KCNH6: variants seen among roughly 807,000 people sequenced by gnomAD.
KCNH6 encodes the protein potassium voltage-gated channel subfamily H member 6.
In KCNH6, 81 loss-of-function variants were observed where a neutral mutation model predicts 83.4. The observed-to-expected ratio is 0.97, with a 90% CI of 0.81 to 1.17. The LOEUF is 1.17. Ranked by LOEUF, KCNH6 falls within the 50% of genes most tolerant of loss-of-function variation. KCNH6 has a pLI of 0.00. For synonymous variants in KCNH6, 503 were observed against 545.6 expected, an observed-to-expected ratio of 0.92 and a Z score of 1.09; for missense variants, 1,203 against 1,290.5, an observed-to-expected ratio of 0.93 and a Z score of 1.04.
rs1387455783 is a variant in KCNH6, at chr17:63,534,654, G to A, written c.1101+343G>A. Among the ~76,000 whole-genome samples, 3 of 152,002 alleles carry A rather than the reference G, an allele frequency of 2.0e-5. No individual in the cohort carries two copies. The highest frequency in any genetic ancestry group is 4.4e-5 in the Non-Finnish European group (3 of 67,960). The stretch of plus-strand genomic sequence containing the variant: ...CCTGGAGGAAGAAAGGGATCCCCAG[G>A]CCACTCCCCCAGTGCACCCTGGCTC... On this transcript the variant is annotated intron_variant, in intron 5 of 12. Transcript: ENST00000314672. The surrounding 1 kb of genome is among the most constrained non-coding windows in gnomAD (Gnocchi z 5.0).
rs1365961289 is a variant in KCNH6, at chr17:63,538,993, A to G, written c.1954+331A>G. 1.3e-5 allele frequency among the ~76,000 whole-genome samples: 2 copies of G among 152,002 alleles called. No individual in the cohort carries two copies. The highest frequency in any genetic ancestry group is 2.9e-5 in the Non-Finnish European group (2 of 67,992). On this transcript the variant is annotated intron_variant, in intron 8 of 12. Transcript: ENST00000314672. The surrounding 1 kb of genome is among the most constrained non-coding windows in gnomAD (Gnocchi z 4.0). ...TCTTGCACTCTTGGGGAGTTTAGGGAGAAAGGCCAAGGGTCTTTCTGGGTG... is the reference window on the plus strand; with the variant it reads ...TCTTGCACTCTTGGGGAGTTTAGGGGGAAAGGCCAAGGGTCTTTCTGGGTG...
chr17:63,533,852 C>A lies in KCNH6; in HGVS notation c.676-34C>A. The A allele has an allele frequency of 6.3e-7, 1 of 1,589,012 alleles. No homozygotes were observed. Among genetic ancestry groups the A allele is most frequent in the East Asian group, 2.2e-5 (1 of 44,730 alleles). The stretch of plus-strand genomic sequence containing the variant: ...GGCCAGTCTCACCAGCAGTGGCTGC[C>A]CCGTGCCTGACCTCCCTCGGCCCCC... On this transcript the variant is annotated intron_variant, in intron 4 of 12. Coordinates refer to ENST00000314672, the MANE Select transcript of KCNH6 (RefSeq NM_001278919.2). The surrounding 1 kb of genome is among the most constrained non-coding windows in gnomAD (Gnocchi z 4.1).
chr17:63,527,556 A>T (rs2031800675), intron 2 of KCNH6, among the ~76,000 whole-genome samples: 1 of 152,108 alleles, frequency 6.6e-6, no homozygotes, highest in Admixed American at 6.5e-5. Context: ...AAGGAATGGG[A>T]ATTCCCAGGG....
rs749312837 is a variant in KCNH6, at chr17:63,534,224, C to T, written c.1014C>T (p.Ala338=). 25 of 1,614,036 alleles carry T rather than the reference C, an allele frequency of 1.5e-5. No individual in the cohort carries two copies. The highest frequency in any genetic ancestry group is 1.6e-4 in the Middle Eastern group (1 of 6,084). The change falls in exon 5 of 13, where the codon GCC becomes GCT. Residue 338 remains alanine, a synonymous_variant. Transcript: ENST00000314672. This position sits in a 1 kb window ranked among gnomAD's most constrained non-coding sequence, Gnocchi z 5.0. ...TGGTCAGCCACCCCCGCCGCATCGC[C>T]GTCCACTACTTCAAGGGCTGGTTCC... ...DEVVSHPRRI[A]VHYFKGWFLI... is the part of the protein sequence containing the mutation.
chr17:63,530,502 T>C lies in KCNH6; in HGVS notation c.635T>C (p.Val212Ala), dbSNP rs764763772. The C allele has an allele frequency of 2.5e-6, 4 of 1,613,992 alleles. No homozygotes were observed. The South Asian group carries it at 3.3e-5, about 13-fold the overall frequency. ...ATTGAGATCATCGCGCCCCATAAGG[T>C]GGTGGAGCGGACACAGAACGTCACT... ...TEIEIIAPHK[V>A]VERTQNVTEK... is the part of the protein sequence containing the mutation. The change falls in exon 4 of 13, where the codon GTG (valine) becomes GCG (alanine). Residue 212 changes from valine to alanine, a missense_variant. Coordinates refer to ENST00000314672, the MANE Select transcript of KCNH6 (RefSeq NM_001278919.2).
chr17:63,539,512 C>T (rs1199102112), intron 8 of KCNH6, among the ~76,000 whole-genome samples: 3 of 152,200 alleles, frequency 2.0e-5, no homozygotes, highest in Non-Finnish European at 2.9e-5. Context: ...TGGGCATGGC[C>T]GCCCTAGTAT....
intron 8 of KCNH6, among the ~76,000 whole-genome samples, chr17:63,540,669 C>T (rs1159396315): frequency 6.6e-6 from 1 of 152,212 alleles, no homozygotes; most frequent in Non-Finnish European, 1.5e-5. Flanking sequence ...CTCCAGGCCT[C>T]AGCCCCCTCC....
chr17:63,533,430 TA>T lies in KCNH6; in HGVS notation c.676-455del, dbSNP rs2032252998. 6.6e-6 allele frequency among the ~76,000 whole-genome samples: 1 copy of T among 152,024 alleles called. No individual in the cohort carries two copies. The highest frequency in any genetic ancestry group is 1.5e-5 in the Non-Finnish European group (1 of 67,970). On this transcript the variant is annotated intron_variant, in intron 4 of 12. Transcript: ENST00000314672. The surrounding 1 kb of genome is among the most constrained non-coding windows in gnomAD (Gnocchi z 4.1). ...GCCCTCAGAAAGGAAGACATTCTTCTAGGGGTGACCTGTTCCCATCAGGAAC... is the reference window on the plus strand; with the variant it reads ...GCCCTCAGAAAGGAAGACATTCTTCTGGGGTGACCTGTTCCCATCAGGAAC...
In KCNH6 at chr17:63,523,829, C is replaced by T. The variant is rs1048091827; in HGVS notation, c.77-310C>T. Among the ~76,000 whole-genome samples the T allele has an allele frequency of 6.6e-6, 1 of 152,128 alleles. No individual in the cohort carries two copies. Among genetic ancestry groups the T allele is most frequent in the African/African-American group, 2.4e-5 (1 of 41,426 alleles). ...GCTTCTCTGAGTCCTTCTTTTCCTT[C>T]CTTTTCATATCCTGGTTCTGGTCTT... On this transcript the variant is annotated intron_variant, in intron 1 of 12. Coordinates refer to ENST00000314672, the MANE Select transcript of KCNH6 (RefSeq NM_001278919.2). This position sits in a 1 kb window ranked among gnomAD's most constrained non-coding sequence, Gnocchi z 4.2.
At position 63,538,924 on chromosome 17, in the gene KCNH6, G is replaced by A. The variant is rs1048768436; in HGVS notation, c.1954+262G>A. On this transcript the variant is annotated intron_variant, in intron 8 of 12. Coordinates refer to ENST00000314672, the MANE Select transcript of KCNH6 (RefSeq NM_001278919.2). This position sits in a 1 kb window ranked among gnomAD's most constrained non-coding sequence, Gnocchi z 4.0. Reference sequence around the variant, plus strand: ...AGTCTGTGGCCAGGCAGGGATTCCAGGGCTGCCAGTGTGACTCAGAAGCCC... The same window carrying A: ...AGTCTGTGGCCAGGCAGGGATTCCAAGGCTGCCAGTGTGACTCAGAAGCCC... Among the ~76,000 whole-genome samples the A allele has an allele frequency of 6.6e-6, 1 of 152,188 alleles. No individual in the cohort carries two copies. The highest frequency in any genetic ancestry group is 1.5e-5 in the Non-Finnish European group (1 of 68,032).
Position 63,538,125 on chromosome 17 carries a change from G to A in KCNH6, c.1562G>A (p.Gly521Asp), listed in dbSNP as rs1481874953. ...GCGATCATCCAGCGCCTGTACTCGGGCACCGCGCGCTACCACACGCAGATG... is the reference window on the plus strand; with the variant it reads ...GCGATCATCCAGCGCCTGTACTCGGACACCGCGCGCTACCACACGCAGATG... Reference protein sequence around the residue: ...VSAIIQRLYSGTARYHTQMLR... With the variant: ...VSAIIQRLYSDTARYHTQMLR... The change falls in exon 7 of 13, where the codon GGC becomes GAC. Residue 521 changes from glycine to aspartate, a missense_variant. Transcript: ENST00000314672. This position sits in a 1 kb window ranked among gnomAD's most constrained non-coding sequence, Gnocchi z 4.0. 6.2e-7 allele frequency: 1 copy of A among 1,614,104 alleles called. No homozygotes were observed. Among genetic ancestry groups the A allele is most frequent in the East Asian group, 2.2e-5 (1 of 44,864 alleles).
chr17:63,538,256 AT>A lies in KCNH6; in HGVS notation c.1694del (p.Met565ArgfsTer5). 1 of 1,613,982 alleles carries A rather than the reference AT, an allele frequency of 6.2e-7. No homozygotes were observed. The highest frequency in any genetic ancestry group is 8.5e-7 in the Non-Finnish European group (1 of 1,179,980). The stretch of plus-strand genomic sequence containing the variant: ...CTGGTCCTACACCAATGGCATTGAC[AT>A]GAACGCGGTGAGCCCCGCCGCTCCG... ...HAWSYTNGID[M>X]NAVLKGFPEC... On this transcript the variant is annotated frameshift_variant, in exon 7 of 13. Coordinates refer to ENST00000314672, the MANE Select transcript of KCNH6 (RefSeq NM_001278919.2). LOFTEE classifies it high-confidence loss of function. The surrounding 1 kb of genome is among the most constrained non-coding windows in gnomAD (Gnocchi z 4.0).
chr17:63,531,996 C>G (rs1484654123), intron 4 of KCNH6, among the ~76,000 whole-genome samples: 1 of 152,192 alleles, frequency 6.6e-6, no homozygotes, highest in South Asian at 2.1e-4. Context: ...TAAAGAGCCT[C>G]GATGGCTGTG....
intron 8 of KCNH6, among the ~76,000 whole-genome samples, chr17:63,540,589 A>G (rs938250191): frequency 6.6e-6 from 1 of 152,148 alleles, no homozygotes; most frequent in African/African-American, 2.4e-5. Context: ...CTGGAAAACC[A>G]TCACATTATA....
At chr17:63,532,212 C>T (rs935469862) in intron 4 of KCNH6, among the ~76,000 whole-genome samples, 1 of 152,228 alleles carries the variant, frequency 6.6e-6, no homozygotes, top group Non-Finnish European at 1.5e-5. Context: ...CTGTCTCCCT[C>T]CCACTCCCCA....
chr17:63,526,217 C>T (rs1161456356), intron 2 of KCNH6, among the ~76,000 whole-genome samples: 2 of 152,142 alleles, frequency 1.3e-5, no homozygotes, highest in Non-Finnish European at 2.9e-5. Flanking sequence ...ACTCCCATCC[C>T]ACCCTCGGCC....
At position 63,545,648 on chromosome 17, in the gene KCNH6, C is replaced by T. The variant is rs777162699; in HGVS notation, c.2623C>T (p.His875Tyr). 2.5e-6 allele frequency: 4 copies of T among 1,613,858 alleles called. No individual in the cohort carries two copies. The African/African-American group carries it at 5.3e-5, about 22-fold the overall frequency. ...YGDLDDCSPK[H>Y]RNSSPRMPHL... ...AGACTTGGATGACTGTAGTCCAAAG[C>T]ACAGGAACTCCTCCCCCAGGATGCC... Residue 875 changes from histidine to tyrosine, a missense_variant, in exon 13 of 13, where the codon CAC becomes TAC. By Grantham distance (83) the His-to-Tyr change is moderately conservative. Transcript: ENST00000314672.
chr17:63,535,299 C>A lies in KCNH6; in HGVS notation c.1102-370C>A, dbSNP rs757743691. Reference sequence around the variant, plus strand: ...GGCCACGCACTTCACACCTCAGTGCCGCTGCTCATGCTGCTCCCTGAGCCA... The same window carrying A: ...GGCCACGCACTTCACACCTCAGTGCAGCTGCTCATGCTGCTCCCTGAGCCA... On this transcript the variant is annotated intron_variant, in intron 5 of 12. Transcript: ENST00000314672. The surrounding 1 kb of genome is among the most constrained non-coding windows in gnomAD (Gnocchi z 4.9). Among the ~76,000 whole-genome samples the A allele has an allele frequency of 1.3e-5, 2 of 152,178 alleles. No individual in the cohort carries two copies. The highest frequency in any genetic ancestry group is 4.8e-5 in the African/African-American group (2 of 41,442).
chr17:63,530,160 T>C lies in KCNH6; in HGVS notation c.377T>C (p.Ile126Thr), dbSNP rs1426374783. 3 of 1,614,142 alleles carry C rather than the reference T, an allele frequency of 1.9e-6. No homozygotes were observed. Among genetic ancestry groups the C allele is most frequent in the Non-Finnish European group, 2.5e-6 (3 of 1,180,030 alleles). ...KNEDGAVIMF[I>T]LNFEDLAQLL... ...GAGGACGGGGCTGTCATCATGTTCA[T>C]TCTCAACTTCGAGGACCTGGCCCAG... The change falls in exon 3 of 13, where the codon ATT (isoleucine) becomes ACT (threonine). Residue 126 changes from isoleucine to threonine, a missense_variant. By Grantham distance (89) the Ile-to-Thr change is moderately conservative (BLOSUM62 -1). Transcript: ENST00000314672.
Sources: gnomAD v4.1 joint callset for allele counts (sites outside exome capture counted in the v4.1 genomes callset) on GRCh38, gnomAD v4.1.1 for gene constraint, Gnocchi (gnomAD v3.1) non-coding constraint, MANE v1.5 for transcripts, NCBI Gene and HGNC (gene_info 2026-07-23, HGNC 2026-07-21) for gene names.